B4GALT6: variants seen among roughly 807,000 people sequenced by gnomAD.
B4GALT6 encodes the protein UDP-Gal:beta-GlcNAc beta-1,4-galactosyltransferase 6.
In B4GALT6, 14 loss-of-function variants were observed where a neutral mutation model predicts 46.3. The ratio of observed to expected loss-of-function variants is 0.30; its 90% confidence interval spans 0.20 to 0.47. The LOEUF (loss-of-function observed/expected upper bound fraction) is 0.47. B4GALT6 is among the 20% of genes least tolerant of loss of function. The pLI is 0.99. For missense variants in B4GALT6, 386 were observed against 480.1 expected, an observed-to-expected ratio of 0.80 and a Z score of 1.83; for synonymous variants, 168 against 162.0, an observed-to-expected ratio of 1.04 and a Z score of -0.28.
chr18:31,658,325 CAT>C, intron 2 of B4GALT6: 1 of 328,714 alleles, frequency 3.0e-6, no homozygotes, highest in Non-Finnish European at 5.6e-6. Flanking sequence ...TGCACACAGA[CAT>C]GGCAGTCCCA....
chr18:31,634,879 A>G (rs904630814), intron 5 of B4GALT6, among the ~76,000 whole-genome samples: 2 of 152,234 alleles, frequency 1.3e-5, no homozygotes, highest in African/African-American at 2.4e-5. Context: ...CGCAGACCTT[A>G]GTTGCCTTGC....
intron 1 of B4GALT6, among the ~76,000 whole-genome samples, chr18:31,683,058 G>A (rs190028315): frequency 2.1e-4 from 32 of 152,248 alleles, no homozygotes; most frequent in Admixed American, 7.8e-4. Context: ...TTTGGGATAC[G>A]TCAACGTTTC....
chr18:31,723,189 A>G, the B4GALT6 span, among the ~76,000 whole-genome samples: 1 of 152,140 alleles, frequency 6.6e-6, no homozygotes, highest in African/African-American at 2.4e-5. Flanking sequence ...TTTTTTAATT[A>G]TTGTTTTATA....
chr18:31,623,139 T>C lies in B4GALT6; in HGVS notation c.*2475A>G, dbSNP rs1256843737. On this transcript the variant is annotated 3_prime_UTR_variant, in exon 9 of 9. Transcript: ENST00000306851. ...GGATATGGAATAGGCAATCAATACATGCTCATTAATAAATCCTCCAAACAT... is the reference window on the plus strand; with the variant it reads ...GGATATGGAATAGGCAATCAATACACGCTCATTAATAAATCCTCCAAACAT... 1 of 152,060 alleles carries C rather than the reference T, an allele frequency of 6.6e-6. No individual in the cohort carries two copies. The highest frequency in any genetic ancestry group is 1.5e-5 in the Non-Finnish European group (1 of 67,908). The allele number at this position is 152,060 out of a possible 1,614,324, so 9.4% of individuals were successfully genotyped here. A position where few individuals can be genotyped will look rare whatever the true frequency, so the allele number is the denominator to read the frequency against.
At chr18:31,699,706 G>A in the B4GALT6 span, among the ~76,000 whole-genome samples, 2,304 of 148,618 alleles carry the variant, frequency 0.016, 61 homozygotes, top group East Asian at 0.11. Flanking sequence ...GGAAGAAACA[G>A]TGGTGACGAG....
At position 31,684,370 on chromosome 18, in the gene B4GALT6, G is replaced by C. The variant is rs1413191387; in HGVS notation, c.57C>G (p.Ile19Met). 2 of 1,613,912 alleles carry C rather than the reference G, an allele frequency of 1.2e-6. No homozygotes were observed. Among genetic ancestry groups the C allele is most frequent in the Non-Finnish European group, 1.7e-6 (2 of 1,179,956 alleles). ...RVSNRSLLAF[I>M]FFFSLSSSCL... ...AGGACGAAGAGAGGGAGAAGAAGAA[G>C]ATGAAGGCGAGGAGAGAGCGATTGG... The change falls in exon 1 of 9, where the codon ATC (isoleucine) becomes ATG (methionine). Residue 19 changes from isoleucine to methionine, a missense_variant. Coordinates refer to ENST00000306851, the MANE Select transcript of B4GALT6 (RefSeq NM_004775.5).
the B4GALT6 span, among the ~76,000 whole-genome samples, chr18:31,718,524 G>A: frequency 8.0e-3 from 1,223 of 152,214 alleles, 16 homozygotes; most frequent in African/African-American, 0.026. Context: ...CTAACACAAC[G>A]CTCTCCACAT....
intron 5 of B4GALT6, among the ~76,000 whole-genome samples, chr18:31,637,577 A>AGGTTTTGTTT (rs1477836595): frequency 6.6e-6 from 1 of 152,184 alleles, no homozygotes; most frequent in African/African-American, 2.4e-5. Context: ...TTTTAGGTTT[A>AGGTTTTGTTT]CTAACTGGCT....
chr18:31,693,456 G>A, the B4GALT6 span, among the ~76,000 whole-genome samples: 1 of 152,020 alleles, frequency 6.6e-6, no homozygotes, highest in African/African-American at 2.4e-5. Flanking sequence ...AACAGCAAAT[G>A]GGAGATATAA....
intron 3 of B4GALT6, among the ~76,000 whole-genome samples, chr18:31,657,657 T>G (rs2074157956): frequency 6.6e-6 from 1 of 152,208 alleles, no homozygotes; most frequent in Non-Finnish European, 1.5e-5. Context: ...TACACATTAA[T>G]TGCTCTCTTA....
At chr18:31,682,889 TTGAG>T (rs1208974504) in intron 1 of B4GALT6, among the ~76,000 whole-genome samples, 5 of 152,068 alleles carry the variant, frequency 3.3e-5, no homozygotes, top group Admixed American at 1.3e-4. Flanking sequence ...AAAGCTCTTG[TTGAG>T]TATCTAGATA....
At chr18:31,696,733 T>A in the B4GALT6 span, among the ~76,000 whole-genome samples, 1 of 152,208 alleles carries the variant, frequency 6.6e-6, no homozygotes, top group African/African-American at 2.4e-5. Flanking sequence ...CTTCTCTCTA[T>A]GGCATTTTAG....
At chr18:31,708,853 AAATG>A in the B4GALT6 span, among the ~76,000 whole-genome samples, 1 of 152,214 alleles carries the variant, frequency 6.6e-6, no homozygotes, top group East Asian at 1.9e-4. Flanking sequence ...GTTTTCGAAT[AAATG>A]AATGAAAAAG....
the B4GALT6 span, among the ~76,000 whole-genome samples, chr18:31,691,346 T>TATATATATATA: frequency 1.0e-5 from 1 of 97,840 alleles, no homozygotes; most frequent in African/African-American, 3.4e-5. Flanking sequence ...TATATATATA[T>TATATATATATA]TGCTCTGGGT....
rs117467309 is a variant in B4GALT6 at position 31,624,799 on chromosome 18, A to G, written c.*815T>C. The G allele has an allele frequency of 8.5e-3, 1,297 of 152,748 alleles. 29 individuals are homozygous for G. In the East Asian group the frequency reaches 0.098, roughly 12 times the overall value. The allele number at this position is 152,748 out of a possible 1,614,324, so 9.5% of individuals were successfully genotyped here. A position where few individuals can be genotyped will look rare whatever the true frequency, so the allele number is the denominator to read the frequency against. Reference sequence around the variant, plus strand: ...TCCCTGACACACCAGAGGTACATGGAAAGACATTTAACATAAAGAGATCCT... The same window carrying G: ...TCCCTGACACACCAGAGGTACATGGGAAGACATTTAACATAAAGAGATCCT... On this transcript the variant is annotated 3_prime_UTR_variant, in exon 9 of 9. Coordinates refer to ENST00000306851, the MANE Select transcript of B4GALT6 (RefSeq NM_004775.5).
intron 3 of B4GALT6, among the ~76,000 whole-genome samples, chr18:31,654,157 T>C (rs1310973763): frequency 1.3e-5 from 2 of 152,156 alleles, no homozygotes; most frequent in African/African-American, 4.8e-5. Context: ...ACAGAATATA[T>C]AAAGGTCACT....
intron 4 of B4GALT6, among the ~76,000 whole-genome samples, chr18:31,642,318 C>T (rs760880971): frequency 3.9e-5 from 6 of 152,164 alleles, no homozygotes; most frequent in East Asian, 1.9e-4. Flanking sequence ...ACTGGGATTA[C>T]GGGTTTGAAC....
the B4GALT6 span, among the ~76,000 whole-genome samples, chr18:31,708,947 A>G: frequency 2.6e-5 from 4 of 152,196 alleles, no homozygotes; most frequent in African/African-American, 4.8e-5. Context: ...GCTTCTGTCT[A>G]TGTACTTAAC....
chr18:31,656,527 T>C (rs1054994409), intron 3 of B4GALT6, among the ~76,000 whole-genome samples: 21 of 151,886 alleles, frequency 1.4e-4, no homozygotes, highest in Admixed American at 1.2e-3. Flanking sequence ...ATTAAAAATA[T>C]ATATATTTAA....
Sources: allele counts gnomAD v4.1 joint callset (sites outside exome capture counted in the v4.1 genomes callset), GRCh38; gene constraint gnomAD v4.1.1; transcripts MANE v1.5; gene names NCBI Gene and HGNC (gene_info 2026-07-23, HGNC 2026-07-21).